TTLL13: variants seen among roughly 807,000 people sequenced by gnomAD.
The protein encoded by TTLL13 is tubulin polyglutamylase TTLL13.
the TTLL13 span, chr15:90,259,152 C>T: frequency 1.0e-6 from 1 of 982,840 alleles, no homozygotes; most frequent in African/African-American, 1.7e-5. Context: ...TGCTTGAGCC[C>T]TAGAGTTCAA....
the TTLL13 span, chr15:90,256,349 G>C: frequency 6.2e-7 from 1 of 1,607,934 alleles, no homozygotes; most frequent in Admixed American, 1.7e-5. Flanking sequence ...GCACTGGGCT[G>C]CCTCATCTCT....
At chr15:90,255,867 C>T in the TTLL13 span, 7 of 1,614,208 alleles carry the variant, frequency 4.3e-6, no homozygotes, top group Non-Finnish European at 5.9e-6. Context: ...TTCCCCCGCA[C>T]CTGGTGCCTC....
At chr15:90,253,353 A>G in the TTLL13 span, 26 of 1,612,492 alleles carry the variant, frequency 1.6e-5, no homozygotes, top group Non-Finnish European at 2.2e-5. Flanking sequence ...AGTCATGGAC[A>G]TGAAGAGGTT....
At chr15:90,259,254 T>C in the TTLL13 span, among the ~76,000 whole-genome samples, 1 of 151,924 alleles carries the variant, frequency 6.6e-6, no homozygotes, top group Non-Finnish European at 1.5e-5. Flanking sequence ...TAGCTGGGCA[T>C]GGTGACATGC....
At chr15:90,257,855 C>A in the TTLL13 span, 1 of 990,576 alleles carries the variant, frequency 1.0e-6, no homozygotes, top group Non-Finnish European at 1.5e-6. Flanking sequence ...CTGTCCTGTG[C>A]CTGCACTTTG....
chr15:90,257,216 A>C, the TTLL13 span: 1 of 1,613,596 alleles, frequency 6.2e-7, no homozygotes, highest in Non-Finnish European at 8.5e-7. Flanking sequence ...CCGGATCTTC[A>C]CATATGAGGA....
the TTLL13 span, among the ~76,000 whole-genome samples, chr15:90,254,204 A>T: frequency 0.047 from 1,995 of 42,334 alleles, 42 homozygotes; most frequent in African/African-American, 0.25. Flanking sequence ...TTTTTTTTTA[A>T]AAAAAAAAGG....
At chr15:90,258,745 A>C in the TTLL13 span, 1 of 1,614,088 alleles carries the variant, frequency 6.2e-7, no homozygotes, top group Non-Finnish European at 8.5e-7. Context: ...CCTGGCAGGT[A>C]AACCACTCTC....
the TTLL13 span, chr15:90,262,500 T>G: frequency 6.7e-7 from 1 of 1,496,850 alleles, no homozygotes; most frequent in Non-Finnish European, 8.8e-7. Flanking sequence ...AGGCAGCAAC[T>G]AGAGGAGATC....
chr15:90,257,548 G>A, the TTLL13 span: 1 of 1,231,456 alleles, frequency 8.1e-7, no homozygotes, highest in Non-Finnish European at 1.2e-6. Flanking sequence ...GAGATCCTCG[G>A]GAGGGGTGGG....
At chr15:90,264,937 A>C in the TTLL13 span, 6 of 1,536,084 alleles carry the variant, frequency 3.9e-6, no homozygotes, top group South Asian at 3.6e-5. Context: ...AGCGTTCCAG[A>C]GCACTCCTCA....
chr15:90,256,585 CTTTCTTTCTTTCTTTCT>C, the TTLL13 span, among the ~76,000 whole-genome samples: 1 of 34,584 alleles, frequency 2.9e-5, no homozygotes. Flanking sequence ...TTCTTTCTTT[CTTTCTTTCTTTCTTTCT>C]TTCTTTCCTT....
chr15:90,256,597 C>CTTTCTT, the TTLL13 span, among the ~76,000 whole-genome samples: 2 of 35,256 alleles, frequency 5.7e-5, no homozygotes, highest in Non-Finnish European at 5.5e-5. Context: ...TTCTTTCTTT[C>CTTTCTT]TTTCTTTCTT....
chr15:90,250,694 G>A, the TTLL13 span: 2 of 1,614,032 alleles, frequency 1.2e-6, no homozygotes, highest in Non-Finnish European at 1.7e-6. Context: ...AAAGGAATCT[G>A]AGAAGTGTGT....
chr15:90,249,949 T>TTATTTATTTATTTATG, the TTLL13 span: 1 of 143,628 alleles, frequency 7.0e-6, no homozygotes, highest in East Asian at 1.9e-4. Context: ...GTATTTTATT[T>TTATTTATTTATTTATG]TATTTATTTA....
the TTLL13 span, chr15:90,262,520 C>T: frequency 7.9e-6 from 12 of 1,517,632 alleles, no homozygotes; most frequent in Non-Finnish European, 1.1e-5. Flanking sequence ...CCGCCTTAAG[C>T]AGGAACAGCA....
At chr15:90,255,943 A>G in the TTLL13 span, 2 of 1,612,016 alleles carry the variant, frequency 1.2e-6, no homozygotes, top group Non-Finnish European at 1.7e-6. Flanking sequence ...GGTCGCTCTC[A>G]GAGCTCTGGT....
At chr15:90,250,823 G>T in the TTLL13 span, 1 of 1,614,170 alleles carries the variant, frequency 6.2e-7, no homozygotes. Context: ...TCCGAAGAAA[G>T]TCATAGCCCC....
At chr15:90,261,157 C>A in the TTLL13 span, among the ~76,000 whole-genome samples, 1 of 150,374 alleles carries the variant, frequency 6.7e-6, no homozygotes, top group African/African-American at 2.4e-5. Flanking sequence ...TGGCTCACTG[C>A]AACTTCCACC....
Sources: allele counts gnomAD v4.1 joint callset (sites outside exome capture counted in the v4.1 genomes callset), GRCh38; gene constraint gnomAD v4.1.1; transcripts MANE v1.5; gene names NCBI Gene and HGNC (gene_info 2026-07-23, HGNC 2026-07-21).